The following NPY2R variants were observed in gnomAD, a reference collection of about 807,000 sequenced individuals.
The protein encoded by NPY2R is neuropeptide Y receptor type 2.
Under a neutral mutation model 22.3 loss-of-function variants are expected in NPY2R, and 17 were observed. The ratio of observed to expected loss-of-function variants is 0.76; its 90% CI spans 0.52 to 1.14. The LOEUF (loss-of-function observed/expected upper bound fraction) is 1.14, where lower values mean the gene tolerates loss of function less well. Among genes scored for constraint, NPY2R ranks in the 50% most tolerant of loss-of-function variants. NPY2R has a pLI of 0.00. For missense variants in NPY2R, 424 were observed against 467.9 expected (o/e 0.91, Z 0.87); for synonymous variants, 209 against 183.4 (o/e 1.14, Z -1.13).
chr4:155,183,088 C>T, the NPY2R span, among the ~76,000 whole-genome samples: 4 of 152,230 alleles, frequency 2.6e-5, no homozygotes, highest in African/African-American at 7.2e-5. Flanking sequence ...CCACCATGCC[C>T]AGCCGAGCTG....
chr4:155,188,767 A>G, the NPY2R span, among the ~76,000 whole-genome samples: 10 of 152,202 alleles, frequency 6.6e-5, no homozygotes, highest in East Asian at 1.9e-3. Flanking sequence ...TGATCTTTGA[A>G]GCTGATCCTT....
chr4:155,181,727 T>A, the NPY2R span, among the ~76,000 whole-genome samples: 3 of 152,188 alleles, frequency 2.0e-5, no homozygotes, highest in Non-Finnish European at 2.9e-5. Context: ...ATCTTGGACT[T>A]CCTAGCCCCT....
chr4:155,176,032 C>T, the NPY2R span, among the ~76,000 whole-genome samples: 5 of 152,124 alleles, frequency 3.3e-5, no homozygotes, highest in African/African-American at 1.2e-4. Context: ...ATCTGAGTTC[C>T]TACCTCAGGA....
the NPY2R span, among the ~76,000 whole-genome samples, chr4:155,175,256 G>T: frequency 6.6e-6 from 1 of 152,126 alleles, no homozygotes; most frequent in East Asian, 1.9e-4. Context: ...AAGAAATGAT[G>T]CAAGTTCAGT....
At chr4:155,197,286 G>A in the NPY2R span, among the ~76,000 whole-genome samples, 91 of 152,020 alleles carry the variant, frequency 6.0e-4, no homozygotes, top group Middle Eastern at 0.024. Flanking sequence ...GGTCATATAT[G>A]AATGACTATT....
At chr4:155,195,633 A>T in the NPY2R span, among the ~76,000 whole-genome samples, 1 of 152,128 alleles carries the variant, frequency 6.6e-6, no homozygotes, top group Non-Finnish European at 1.5e-5. Flanking sequence ...AGTGGCATAT[A>T]ATATAATGTA....
At chr4:155,213,458 T>C (rs927186567) in intron 1 of NPY2R, among the ~76,000 whole-genome samples, 2 of 152,190 alleles carry the variant, frequency 1.3e-5, no homozygotes. Flanking sequence ...TTGCTGTATA[T>C]TTATAAATTT....
At chr4:155,205,297 C>G (rs1483107293), upstream of NPY2R, among the ~76,000 whole-genome samples, 2 of 152,064 alleles carry the variant, frequency 1.3e-5, no homozygotes, top group Non-Finnish European at 2.9e-5. Flanking sequence ...CCTATTTCTT[C>G]TATGATGTTT....
At chr4:155,183,578 C>A in the NPY2R span, among the ~76,000 whole-genome samples, 2 of 152,130 alleles carry the variant, frequency 1.3e-5, no homozygotes, top group East Asian at 3.9e-4. Context: ...CATTTATGGG[C>A]AATTTTTAAT....
At chr4:155,175,633 G>A in the NPY2R span, among the ~76,000 whole-genome samples, 1 of 152,022 alleles carries the variant, frequency 6.6e-6, no homozygotes, top group Non-Finnish European at 1.5e-5. Flanking sequence ...TATAATTTTT[G>A]TTAAAAGCCT....
the NPY2R span, among the ~76,000 whole-genome samples, chr4:155,190,712 A>T: frequency 2.6e-5 from 4 of 151,934 alleles, no homozygotes; most frequent in African/African-American, 7.2e-5. Flanking sequence ...GCCAAATATC[A>T]ATAGTAATTT....
At chr4:155,198,857 C>A in the NPY2R span, among the ~76,000 whole-genome samples, 1 of 151,828 alleles carries the variant, frequency 6.6e-6, no homozygotes, top group Non-Finnish European at 1.5e-5. Context: ...TAGCTCTCCA[C>A]ACTTCCTTCC....
At chr4:155,183,383 TA>T in the NPY2R span, among the ~76,000 whole-genome samples, 1 of 152,126 alleles carries the variant, frequency 6.6e-6, no homozygotes. Context: ...TGACTTTGCA[TA>T]ATAATCTGGT....
chr4:155,181,725 C>T, the NPY2R span, among the ~76,000 whole-genome samples: 41 of 152,324 alleles, frequency 2.7e-4, 1 homozygote, highest in African/African-American at 9.6e-4. Context: ...TCATCTTGGA[C>T]TTCCTAGCCC....
upstream of NPY2R, chr4:155,206,780 A>G (rs1165000982): frequency 1.3e-5 from 2 of 152,368 alleles, no homozygotes; most frequent in East Asian, 3.9e-4. Context: ...CAATTGCTCT[A>G]AAAGACAACA....
chr4:155,193,770 G>A, the NPY2R span, among the ~76,000 whole-genome samples: 5 of 151,910 alleles, frequency 3.3e-5, no homozygotes, highest in Admixed American at 3.3e-4. Flanking sequence ...ACATACAAAT[G>A]TATGAGAAAC....
At chr4:155,201,255 T>C in the NPY2R span, among the ~76,000 whole-genome samples, 1 of 152,048 alleles carries the variant, frequency 6.6e-6, no homozygotes, top group African/African-American at 2.4e-5. Flanking sequence ...TTCTGGGCCT[T>C]GAGAGGTCAT....
the NPY2R span, among the ~76,000 whole-genome samples, chr4:155,194,713 G>T: frequency 6.6e-6 from 1 of 152,084 alleles, no homozygotes; most frequent in South Asian, 2.1e-4. Flanking sequence ...ATAAATGCAT[G>T]TGTCTTTTTG....
the NPY2R span, among the ~76,000 whole-genome samples, chr4:155,197,660 A>G: frequency 1.6e-4 from 25 of 152,156 alleles, no homozygotes; most frequent in African/African-American, 5.1e-4. Flanking sequence ...TCACTGAAAA[A>G]CATTCTGGGG....
Sources: allele counts gnomAD v4.1 joint callset (sites outside exome capture counted in the v4.1 genomes callset), GRCh38; gene constraint gnomAD v4.1.1; transcripts MANE v1.5; gene names NCBI Gene and HGNC (gene_info 2026-07-23, HGNC 2026-07-21).